The following ASIC2 variants were observed in gnomAD, a reference collection of about 807,000 sequenced individuals.
The protein encoded by ASIC2 is acid-sensing ion channel 2.
Under a neutral mutation model 57.3 loss-of-function variants are expected in ASIC2, and 25 were observed. The ratio of observed to expected loss-of-function variants is 0.44; its 90% CI spans 0.32 to 0.61. The LOEUF (loss-of-function observed/expected upper bound fraction) is 0.61. Ranked by LOEUF, ASIC2 falls within the 20% of genes least tolerant of loss-of-function variation. The pLI is 0.06. For synonymous variants in ASIC2, 319 were observed against 307.5 expected (o/e 1.04, Z -0.39); for missense variants, 641 against 738.1 (o/e 0.87, Z 1.52).
chr17:33,802,989 G>A (rs1045795539), intron 1 of ASIC2, among the ~76,000 whole-genome samples: 6 of 152,232 alleles, frequency 3.9e-5, no homozygotes, highest in Non-Finnish European at 5.9e-5. Flanking sequence ...GAGATCTTGA[G>A]TGTAAGCATT....
Position 33,291,588 on chromosome 17 carries a change from C to T in ASIC2, c.528G>A (p.Arg176=). ...ACCACTGGCGGCGCGGCTCGTCGCC[C>T]CGCAGCAGCTCGCTGACAAGCGGGC... The part of the protein sequence containing the change: ...TARPLVSELL[R]GDEPRRQWFR... The change falls in exon 1 of 10, where the codon CGG becomes CGA. Residue 176 remains arginine (R), a synonymous_variant. Transcript: ENST00000225823. 2.5e-6 allele frequency: 4 copies of T among 1,608,692 alleles called. No individual in the cohort carries two copies. Among genetic ancestry groups the T allele is most frequent in the South Asian group, 1.1e-5 (1 of 90,936 alleles).
intron 1 of ASIC2, among the ~76,000 whole-genome samples, chr17:33,317,790 A>C (rs1262158759): frequency 6.6e-6 from 1 of 152,192 alleles, no homozygotes; most frequent in Non-Finnish European, 1.5e-5. Context: ...AGAGAAAAAC[A>C]CAGCTGACTA....
intron 1 of ASIC2, among the ~76,000 whole-genome samples, chr17:33,408,904 G>A (rs1472179524): frequency 6.6e-6 from 1 of 152,190 alleles, no homozygotes; most frequent in Non-Finnish European, 1.5e-5. Context: ...AGGGAAGAGG[G>A]TGTGTACAGA....
intron 1 of ASIC2, among the ~76,000 whole-genome samples, chr17:34,082,636 T>A (rs983704283): frequency 6.6e-6 from 1 of 152,228 alleles, no homozygotes. Context: ...GGCAACATAA[T>A]GACAACCTCC....
chr17:33,911,943 C>T (rs980877936), intron 1 of ASIC2, among the ~76,000 whole-genome samples: 2 of 152,026 alleles, frequency 1.3e-5, no homozygotes, highest in South Asian at 4.2e-4. Context: ...GAGTTCGAGA[C>T]CAGCCTGACC....
intron 1 of ASIC2, among the ~76,000 whole-genome samples, chr17:33,140,798 T>C (rs1355348703): frequency 6.6e-6 from 1 of 152,230 alleles, no homozygotes; most frequent in African/African-American, 2.4e-5. Context: ...AGCTGCTCTG[T>C]GAGACATGCA....
chr17:33,018,156 C>T (rs2091816716), intron 7 of ASIC2, among the ~76,000 whole-genome samples: 1 of 152,194 alleles, frequency 6.6e-6, no homozygotes, highest in South Asian at 2.1e-4. Flanking sequence ...TGGGATAAGG[C>T]CATAGGTGTC....
At chr17:33,279,657 GT>G (rs1268906572) in intron 1 of ASIC2, among the ~76,000 whole-genome samples, 2 of 151,742 alleles carry the variant, frequency 1.3e-5, no homozygotes, top group African/African-American at 4.8e-5. Flanking sequence ...GGAGGCTGAG[GT>G]GGGAGGACTG....
intron 1 of ASIC2, among the ~76,000 whole-genome samples, chr17:33,972,409 A>G (rs535869635): frequency 2.4e-4 from 36 of 152,346 alleles, no homozygotes; most frequent in Middle Eastern, 3.4e-3. Context: ...TTTAAAAACA[A>G]AACAAACAAA....
chr17:33,058,470 C>CAAAAA (rs10612611), intron 3 of ASIC2, among the ~76,000 whole-genome samples: 97 of 109,546 alleles, frequency 8.9e-4, no homozygotes, highest in African/African-American at 1.1e-3. Context: ...TCTGAGAAGT[C>CAAAAA]AAAAAAAAAA....
chr17:33,392,765 C>G (rs1344616344), intron 1 of ASIC2, among the ~76,000 whole-genome samples: 2 of 152,192 alleles, frequency 1.3e-5, no homozygotes, highest in African/African-American at 4.8e-5. Context: ...GCCCCTATGA[C>G]AGTAGCTAAT....
chr17:34,067,320 T>C (rs771794794), intron 1 of ASIC2, among the ~76,000 whole-genome samples: 3 of 152,158 alleles, frequency 2.0e-5, no homozygotes, highest in Non-Finnish European at 2.9e-5. Context: ...AGAATACAAA[T>C]AGCTGATAGA....
At chr17:33,934,557 G>C (rs1597937179) in intron 1 of ASIC2, among the ~76,000 whole-genome samples, 1 of 152,132 alleles carries the variant, frequency 6.6e-6, no homozygotes, top group Non-Finnish European at 1.5e-5. Context: ...CGTGGGCACC[G>C]AGGAGGACCT....
At chr17:33,935,351 C>G (rs1009246435) in intron 1 of ASIC2, 1 of 152,334 alleles carries the variant, frequency 6.6e-6, no homozygotes, top group Admixed American at 6.5e-5. Flanking sequence ...AGGGGCTTCT[C>G]CCCACCTCCA....
chr17:33,954,379 C>A (rs544211849), intron 1 of ASIC2, among the ~76,000 whole-genome samples: 1 of 152,248 alleles, frequency 6.6e-6, no homozygotes, highest in Non-Finnish European at 1.5e-5. Context: ...GATTTAGGAC[C>A]CTCCCTGTTT....
At chr17:33,348,304 T>C (rs897065774) in intron 1 of ASIC2, among the ~76,000 whole-genome samples, 4 of 152,058 alleles carry the variant, frequency 2.6e-5, no homozygotes, top group Non-Finnish European at 5.9e-5. Flanking sequence ...CAAAGGCTGA[T>C]GACACTAACT....
At chr17:33,168,014 G>A (rs1388671301) in intron 1 of ASIC2, among the ~76,000 whole-genome samples, 1 of 152,198 alleles carries the variant, frequency 6.6e-6, no homozygotes, top group Admixed American at 6.5e-5. Flanking sequence ...ATGCAATAAT[G>A]CCAATATTGC....
intron 1 of ASIC2, among the ~76,000 whole-genome samples, chr17:33,842,317 T>C (rs1913463320): frequency 6.6e-6 from 1 of 152,138 alleles, no homozygotes; most frequent in Admixed American, 6.5e-5. Flanking sequence ...ATGTTTCTCA[T>C]AGACAAGACA....
chr17:33,367,024 G>A (rs1332759903), intron 1 of ASIC2, among the ~76,000 whole-genome samples: 1 of 152,348 alleles, frequency 6.6e-6, no homozygotes, highest in East Asian at 1.9e-4. Context: ...TGCGTGCTAG[G>A]TGCTAGAATT....
Sources: allele counts gnomAD v4.1 joint callset (sites outside exome capture counted in the v4.1 genomes callset), GRCh38; gene constraint gnomAD v4.1.1; transcripts MANE v1.5; gene names NCBI Gene and HGNC (gene_info 2026-07-23, HGNC 2026-07-21).